PAK6: variants seen among roughly 807,000 people sequenced by gnomAD.
PAK6 encodes the protein p21 (RAC1) activated kinase 6, also known as serine/threonine-protein kinase PAK 6.
PAK6 carries 33 observed loss-of-function variants against 60.8 expected under a neutral mutation model. That is an observed-to-expected ratio of 0.54 (90% CI 0.41 to 0.73). The LOEUF (loss-of-function observed/expected upper bound fraction) is 0.73, where lower values mean the gene tolerates loss of function less well. Ranked by LOEUF, PAK6 falls within the 30% of genes least tolerant of loss-of-function variation. The probability of loss-of-function intolerance (pLI) is 0.00; values close to 1 mark genes in which losing one functional copy is unlikely to be tolerated. For missense variants in PAK6, 845 were observed against 904.1 expected (o/e 0.93, Z 0.84); for synonymous variants, 404 against 378.5 (o/e 1.07, Z -0.78).
At chr15:40,247,882 C>T (rs892802395) in intron 2 of PAK6, among the ~76,000 whole-genome samples, 7 of 152,162 alleles carry the variant, frequency 4.6e-5, no homozygotes, top group Non-Finnish European at 1.0e-4. Flanking sequence ...AAACCAAGCT[C>T]CAGTGTGCAT....
chr15:40,263,148 C>A (rs2039027850), intron 3 of PAK6, among the ~76,000 whole-genome samples: 1 of 152,202 alleles, frequency 6.6e-6, no homozygotes, highest in Non-Finnish European at 1.5e-5. Flanking sequence ...AGATCTGCGA[C>A]CTCCTTCAGA....
chr15:40,267,543 A>G (rs111909648), intron 5 of PAK6, among the ~76,000 whole-genome samples: 1 of 152,160 alleles, frequency 6.6e-6, no homozygotes, highest in East Asian at 1.9e-4. Flanking sequence ...CCTGTAGTCC[A>G]AGCTACTCAG....
intron 3 of PAK6, among the ~76,000 whole-genome samples, chr15:40,261,550 A>C (rs1206525651): frequency 2.6e-5 from 4 of 151,864 alleles, no homozygotes; most frequent in Non-Finnish European, 4.4e-5. Context: ...AAATATATAT[A>C]TATATATTGA....
Position 40,272,858 on chromosome 15 carries a change from G to C in PAK6, c.1357-8G>C. 1 of 1,613,044 alleles carries C rather than the reference G, an allele frequency of 6.2e-7. No homozygotes were observed. Among genetic ancestry groups the C allele is most frequent in the South Asian group, 1.1e-5 (1 of 90,986 alleles). Reference sequence around the variant, plus strand: ...GTGCCTGGCACTCAGGCCCCCGCCTGCCCCCAGGTGGTGATCATGCGGGAC... The same window carrying C: ...GTGCCTGGCACTCAGGCCCCCGCCTCCCCCCAGGTGGTGATCATGCGGGAC... On this transcript the variant is annotated splice_polypyrimidine_tract_variant and splice_region_variant and intron_variant, in intron 6 of 10. Transcript: ENST00000560346.
At chr15:40,266,183 C>T (rs780512196) in exon 5 of PAK6, 39 of 1,609,174 alleles carry the variant, frequency 2.4e-5, no homozygotes, top group African/African-American at 1.6e-4. Context: ...CCCTGGGCCC[C>T]GCCGAGTTTC....
intron 3 of PAK6, among the ~76,000 whole-genome samples, chr15:40,261,908 G>A (rs908576680): frequency 2.6e-5 from 4 of 152,068 alleles, no homozygotes; most frequent in Non-Finnish European, 4.4e-5. Flanking sequence ...AACTTGTTCC[G>A]GAATGGCTCA....
intron 2 of PAK6, chr15:40,252,688 G>A (rs1285854241): frequency 1.5e-6 from 2 of 1,308,922 alleles, no homozygotes; most frequent in Non-Finnish European, 2.0e-6. Flanking sequence ...TTCCCGCTCC[G>A]CAGGTGGGTT....
chr15:40,255,584 C>T (rs2038812258), intron 3 of PAK6, among the ~76,000 whole-genome samples: 1 of 152,190 alleles, frequency 6.6e-6, no homozygotes, highest in African/African-American at 2.4e-5. Flanking sequence ...AGCAGAAAAG[C>T]AGATGAAATT....
Position 40,264,637 on chromosome 15 carries a change from C to T in PAK6, c.-5-144C>T, listed in dbSNP as rs776885900. On this transcript the variant is annotated intron_variant, in intron 3 of 10. Coordinates refer to ENST00000560346, the Ensembl canonical transcript of PAK6. ...GGAGCCAGCCATTTCCCTGAGGAAGCAGAGATGGAGGTGGAGGGAAGCCCT... is the reference window on the plus strand; with the variant it reads ...GGAGCCAGCCATTTCCCTGAGGAAGTAGAGATGGAGGTGGAGGGAAGCCCT... The T allele has an allele frequency of 8.7e-6, 6 of 688,494 alleles. No homozygotes were observed. The East Asian group carries it at 1.3e-4, about 15-fold the overall frequency. 42.6% of individuals were successfully genotyped at this position (688,494 alleles called of 1,614,324 possible).
intron 4 of PAK6, 93 bp downstream of exon 4, chr15:40,265,082 C>T: frequency 1.8e-6 from 2 of 1,093,284 alleles, no homozygotes. Flanking sequence ...GGAGGAACCA[C>T]CTACTTCACA....
exon 1 of PAK6, chr15:40,239,487 T>G (rs1179514098): frequency 3.3e-5 from 5 of 152,446 alleles, no homozygotes; most frequent in Non-Finnish European, 5.9e-5. Context: ...CTCCCTACCT[T>G]GGGCTCCAGG....
intron 4 of PAK6, 151 bp downstream of exon 4, chr15:40,265,140 T>G (rs2140979134): frequency 1.3e-6 from 1 of 778,138 alleles, no homozygotes; most frequent in South Asian, 1.9e-5. Context: ...CAGCCTGCCA[T>G]TCTCTCCCTG....
chr15:40,253,068 G>A (rs780551276), intron 2 of PAK6, 110 bp from the exon 3 acceptor site: 4 of 395,030 alleles, frequency 1.0e-5, no homozygotes, highest in Non-Finnish European at 2.0e-5. Context: ...GAGTTCAGTC[G>A]GGAGGCGGGC....
intron 5 of PAK6, among the ~76,000 whole-genome samples, chr15:40,267,454 G>A (rs561597453): frequency 6.6e-6 from 1 of 152,288 alleles, no homozygotes; most frequent in East Asian, 1.9e-4. Context: ...TCAGGAGATC[G>A]AGACCATCCT....
chr15:40,264,276 C>T (rs894387476), intron 3 of PAK6, among the ~76,000 whole-genome samples: 6 of 151,460 alleles, frequency 4.0e-5, no homozygotes, highest in South Asian at 2.1e-4. Flanking sequence ...GGATTCAATT[C>T]GATAGTTTTA....
chr15:40,271,319 G>T (rs1343237314), intron 5 of PAK6, among the ~76,000 whole-genome samples: 1 of 152,182 alleles, frequency 6.6e-6, no homozygotes, highest in Non-Finnish European at 1.5e-5. Context: ...CCTGAGCAGG[G>T]CTCACTGGGG....
chr15:40,269,152 G>A (rs768475111), intron 5 of PAK6, among the ~76,000 whole-genome samples: 11 of 152,176 alleles, frequency 7.2e-5, no homozygotes, highest in Non-Finnish European at 1.3e-4. Flanking sequence ...CCAAGTAGCT[G>A]GGATTACAGG....
At chr15:40,247,846 C>T (rs568661063) in intron 2 of PAK6, among the ~76,000 whole-genome samples, 3 of 152,272 alleles carry the variant, frequency 2.0e-5, no homozygotes, top group African/African-American at 7.2e-5. Context: ...CTGGACGAAT[C>T]CTGGGATTCT....
At chr15:40,271,396 C>T (rs534619782) in intron 5 of PAK6, among the ~76,000 whole-genome samples, 42 of 152,262 alleles carry the variant, frequency 2.8e-4, no homozygotes, top group African/African-American at 9.6e-4. Flanking sequence ...AGGATAGGCC[C>T]CCTACCTTCT....
Sources: allele counts gnomAD v4.1 joint callset (sites outside exome capture counted in the v4.1 genomes callset), GRCh38; gene constraint gnomAD v4.1.1; transcripts MANE v1.5; gene names NCBI Gene and HGNC (gene_info 2026-07-23, HGNC 2026-07-21).